Variants in TRIM44 observed in about 807,000 individuals in gnomAD.
The protein encoded by TRIM44 is tripartite motif containing 44, also known as tripartite motif-containing protein 44.
TRIM44 carries 13 observed loss-of-function variants against 37.4 expected under a neutral mutation model. The ratio of observed to expected loss-of-function variants is 0.35; its 90% CI spans 0.23 to 0.55. The LOEUF is 0.55. TRIM44 is among the 20% of genes least tolerant of loss of function. The probability of loss-of-function intolerance (pLI) is 0.89; values close to 1 mark genes in which losing one functional copy is unlikely to be tolerated. For synonymous variants in TRIM44, 175 were observed against 157.2 expected, an observed-to-expected ratio of 1.11 and a Z score of -0.85; for missense variants, 426 against 437.2, an observed-to-expected ratio of 0.97 and a Z score of 0.23.
intron 2 of TRIM44, among the ~76,000 whole-genome samples, chr11:35,691,790 G>A (rs1047064653): frequency 3.9e-5 from 6 of 152,088 alleles, no homozygotes; most frequent in South Asian, 2.1e-4. Context: ...GACTATAGGC[G>A]CCCGCCACCA....
rs1343083656 is a variant in TRIM44 at position 35,816,815 on chromosome 11, C to T, written c.*10430C>T. 6.6e-6 allele frequency: 1 copy of T among 152,172 alleles called. No individual in the cohort carries two copies. The highest frequency in any genetic ancestry group is 2.4e-5 in the African/African-American group (1 of 41,436). 9.4% of individuals were successfully genotyped at this position (152,172 alleles called of 1,614,324 possible). A position where few individuals can be genotyped will look rare whatever the true frequency, so the allele number is the denominator to read the frequency against. On this transcript the variant is annotated 3_prime_UTR_variant, in exon 5 of 5. Transcript: ENST00000299413. The stretch of plus-strand genomic sequence containing the variant: ...TACAGTGCCTGACACATAGTAAGCA[C>T]TTAGAAATGGTAGCTTCTGACTGTT...
chr11:35,775,320 G>A (rs1055974590), intron 4 of TRIM44, among the ~76,000 whole-genome samples: 1 of 152,140 alleles, frequency 6.6e-6, no homozygotes, highest in African/African-American at 2.4e-5. Flanking sequence ...CATTGATTTT[G>A]TATCCTGAGA....
rs1422200389 is a variant in TRIM44 at position 35,814,902 on chromosome 11, T to A, written c.*8517T>A. 6.6e-6 allele frequency: 1 copy of A among 152,170 alleles called. No individual in the cohort carries two copies. The highest frequency in any genetic ancestry group is 1.5e-5 in the Non-Finnish European group (1 of 68,062). The allele number at this position is 152,170 out of a possible 1,614,324, so 9.4% of individuals were successfully genotyped here. A position where few individuals can be genotyped will look rare whatever the true frequency, so the allele number is the denominator to read the frequency against. On this transcript the variant is annotated 3_prime_UTR_variant, in exon 5 of 5. Coordinates refer to ENST00000299413, the MANE Select transcript of TRIM44 (RefSeq NM_017583.6). ...CGAGGAGGGAGGGAGAGGGAAATTGTCCACCACTTCCCAATGATAATGCCT... is the reference window on the plus strand; with the variant it reads ...CGAGGAGGGAGGGAGAGGGAAATTGACCACCACTTCCCAATGATAATGCCT...
chr11:35,686,374 GTTT>G (rs577200341), intron 2 of TRIM44, among the ~76,000 whole-genome samples: 2 of 133,370 alleles, frequency 1.5e-5, no homozygotes, highest in Non-Finnish European at 1.6e-5. Context: ...TTTTGTTTTT[GTTT>G]TTTTTTTTTT....
At chr11:35,697,784 C>G (rs1342864653) in intron 2 of TRIM44, among the ~76,000 whole-genome samples, 5 of 152,086 alleles carry the variant, frequency 3.3e-5, no homozygotes, top group African/African-American at 1.2e-4. Flanking sequence ...GACATGAACT[C>G]ATCATTTTTT....
intron 4 of TRIM44, among the ~76,000 whole-genome samples, chr11:35,796,151 C>T (rs1010443301): frequency 6.6e-6 from 1 of 152,186 alleles, no homozygotes; most frequent in African/African-American, 2.4e-5. Context: ...ATACTTCCAA[C>T]TTCCTACAAC....
chr11:35,696,761 T>A (rs1471313737), intron 2 of TRIM44, among the ~76,000 whole-genome samples: 12 of 151,430 alleles, frequency 7.9e-5, no homozygotes, highest in African/African-American at 2.7e-4. Flanking sequence ...GTAGGAGAAT[T>A]GCTTGAACCC....
chr11:35,672,323 A>C (rs1243122750), intron 1 of TRIM44, among the ~76,000 whole-genome samples: 1 of 152,178 alleles, frequency 6.6e-6, no homozygotes, highest in Non-Finnish European at 1.5e-5. Context: ...CTGTTAAAAA[A>C]AATTCTAGAC....
At chr11:35,770,798 G>C (rs1242253901) in intron 4 of TRIM44, among the ~76,000 whole-genome samples, 1 of 152,084 alleles carries the variant, frequency 6.6e-6, no homozygotes, top group Non-Finnish European at 1.5e-5. Context: ...AATTATGGGG[G>C]CAGTTTCCCC....
intron 3 of TRIM44, among the ~76,000 whole-genome samples, chr11:35,729,217 A>T (rs745193): frequency 6.6e-6 from 1 of 151,950 alleles, no homozygotes; most frequent in Admixed American, 6.6e-5. Flanking sequence ...AGCAAACATC[A>T]TGAAAAAAGT....
intron 2 of TRIM44, among the ~76,000 whole-genome samples, chr11:35,722,083 G>T (rs1852116729): frequency 6.6e-6 from 1 of 152,190 alleles, no homozygotes; most frequent in Non-Finnish European, 1.5e-5. Flanking sequence ...AAGTGGGGAG[G>T]ACACTGTGCT....
intron 3 of TRIM44, among the ~76,000 whole-genome samples, chr11:35,732,701 T>C (rs946850970): frequency 6.6e-6 from 1 of 152,150 alleles, no homozygotes; most frequent in African/African-American, 2.4e-5. Context: ...AGTGAAGAAG[T>C]TTCGAGTAAG....
chr11:35,750,698 G>A (rs61881279), intron 4 of TRIM44, among the ~76,000 whole-genome samples: 19,318 of 152,068 alleles, frequency 0.13, 1,513 homozygotes, highest in Non-Finnish European at 0.17. Flanking sequence ...GGGACTTGTT[G>A]CTAATGACTG....
At chr11:35,701,276 A>T (rs1564960988) in intron 2 of TRIM44, among the ~76,000 whole-genome samples, 2 of 152,124 alleles carry the variant, frequency 1.3e-5, no homozygotes, top group African/African-American at 4.8e-5. Context: ...TTCCCCCCGA[A>T]ACGGGGTCTT....
At chr11:35,718,960 A>G (rs2135512187) in intron 2 of TRIM44, among the ~76,000 whole-genome samples, 1 of 150,892 alleles carries the variant, frequency 6.6e-6, no homozygotes, top group East Asian at 1.9e-4. Flanking sequence ...TGGATGTACC[A>G]CAGTTGATTT....
intron 2 of TRIM44, among the ~76,000 whole-genome samples, chr11:35,709,860 A>C (rs900688868): frequency 2.0e-5 from 3 of 152,234 alleles, no homozygotes; most frequent in Admixed American, 6.5e-5. Flanking sequence ...AAAGGAGTCT[A>C]ATTGAAAAAT....
At chr11:35,682,924 G>A (rs1416267826) in intron 1 of TRIM44, among the ~76,000 whole-genome samples, 1 of 152,104 alleles carries the variant, frequency 6.6e-6, no homozygotes, top group African/African-American at 2.4e-5. Context: ...TCTAGAGCCA[G>A]GGGGAAAGTC....
intron 3 of TRIM44, among the ~76,000 whole-genome samples, chr11:35,730,337 C>A (rs1852240273): frequency 6.6e-6 from 1 of 152,078 alleles, no homozygotes; most frequent in African/African-American, 2.4e-5. Flanking sequence ...TTGAACTGAG[C>A]TTCAGGGACT....
chr11:35,680,164 A>C (rs1166005983), intron 1 of TRIM44, among the ~76,000 whole-genome samples: 1 of 152,208 alleles, frequency 6.6e-6, no homozygotes, highest in East Asian at 1.9e-4. Flanking sequence ...ACATTTAGGC[A>C]AATTCATGGG....
Sources: gnomAD v4.1 joint callset for allele counts (sites outside exome capture counted in the v4.1 genomes callset) on GRCh38, gnomAD v4.1.1 for gene constraint, MANE v1.5 for transcripts, NCBI Gene and HGNC (gene_info 2026-07-23, HGNC 2026-07-21) for gene names.